DMD: variants seen among roughly 807,000 people sequenced by gnomAD.
DMD encodes the protein mutant dystrophin.
A neutral mutation model predicts 330.1 loss-of-function variants in DMD; 63 were observed. The ratio of observed to expected loss-of-function variants is 0.19; its 90% CI spans 0.16 to 0.24. The LOEUF (loss-of-function observed/expected upper bound fraction) is 0.24. DMD is among the 10% of genes least tolerant of loss of function. The probability of loss-of-function intolerance (pLI) is 1.00; values close to 1 mark genes in which losing one functional copy is unlikely to be tolerated. For synonymous variants in DMD, 1,223 were observed against 959.8 expected (o/e 1.27, Z -5.07); for missense variants, 3,344 against 2,684.1 (o/e 1.25, Z -5.43).
intron 44 of DMD, among the ~76,000 whole-genome samples, chrX:32,211,411 C>T (rs1053238551): frequency 1.8e-5 from 2 of 111,965 alleles, no homozygotes; most frequent in African/African-American, 6.5e-5. Flanking sequence ...ACAAAGTAAA[C>T]AGTTTTTTAT....
At chrX:31,445,934 A>G (rs180981960) in intron 59 of DMD, among the ~76,000 whole-genome samples, 18 of 112,178 alleles carry the variant, frequency 1.6e-4, no homozygotes, top group Admixed American at 1.2e-3. Context: ...TGTGTAATGT[A>G]ATGTCTGTGT....
chrX:33,020,747 AAT>A lies in DMD; in HGVS notation c.32-549_32-548del, dbSNP rs2093898579. Reference sequence around the variant, plus strand: ...TTCAAATACTGTATGATTATAAAAAAATAGTCTCCTCTGAATAACAGTATTTA... The same window carrying A: ...TTCAAATACTGTATGATTATAAAAAAAGTCTCCTCTGAATAACAGTATTTA... On this transcript the variant is annotated intron_variant, in intron 1 of 78. Coordinates refer to ENST00000357033, the MANE Select transcript of DMD (RefSeq NM_004006.3). 3.6e-5 allele frequency among the ~76,000 whole-genome samples: 4 copies of A among 111,884 alleles called. No homozygotes were observed. The South Asian group carries it at 1.5e-3, about 42-fold the overall frequency.
intron 54 of DMD, among the ~76,000 whole-genome samples, chrX:31,643,764 T>C (rs2079918097): frequency 8.9e-6 from 1 of 111,981 alleles, no homozygotes; most frequent in Admixed American, 9.5e-5. Flanking sequence ...TCTTTCAATA[T>C]ATGGTGGAAG....
chrX:32,639,663 G>A (rs758945601), intron 11 of DMD, among the ~76,000 whole-genome samples: 21 of 112,203 alleles, frequency 1.9e-4, no homozygotes, highest in African/African-American at 6.8e-4. Flanking sequence ...AGCAAGGAAA[G>A]AATCAAATGA....
At chrX:33,269,737 T>C (rs1416305729) in intron 1 of DMD, among the ~76,000 whole-genome samples, 1 of 110,755 alleles carries the variant, frequency 9.0e-6, no homozygotes, top group Non-Finnish European at 1.9e-5. Context: ...TTTATTTTAA[T>C]AGTGTTATAT....
intron 63 of DMD, among the ~76,000 whole-genome samples, chrX:31,248,803 G>A (rs778874988): frequency 9.0e-6 from 1 of 111,456 alleles, no homozygotes; most frequent in African/African-American, 3.3e-5. Flanking sequence ...TTCTACCTCC[G>A]GCAATAGGTC....
Position 32,834,151 on chromosome X carries a change from A to G in DMD, c.264+10632T>C, listed in dbSNP as rs777407390. Among the ~76,000 whole-genome samples, 284 of 111,693 alleles carry G rather than the reference A, an allele frequency of 2.5e-3. 1 individual carries two copies. The highest frequency in any genetic ancestry group is 7.5e-3 in the African/African-American group (233 of 30,924). ...CACGGAATCATTTGGCAAAGACCCT[A>G]TAGTTGATAAGTTACAGAGTTAACA... On this transcript the variant is annotated intron_variant, in intron 4 of 78. Transcript: ENST00000357033.
At chrX:31,852,091 G>A (rs909748664) in intron 48 of DMD, among the ~76,000 whole-genome samples, 1 of 111,065 alleles carries the variant, frequency 9.0e-6, no homozygotes, top group Non-Finnish European at 1.9e-5. Flanking sequence ...GGATGGAGGA[G>A]GATAGGTCCT....
chrX:32,530,907 G>A (rs917118601), intron 17 of DMD, among the ~76,000 whole-genome samples: 1 of 111,645 alleles, frequency 9.0e-6, no homozygotes. Flanking sequence ...TGAAAATCCT[G>A]AGTCATATAT....
intron 63 of DMD, among the ~76,000 whole-genome samples, chrX:31,238,740 C>A (rs2047970543): frequency 8.9e-6 from 1 of 111,931 alleles, no homozygotes; most frequent in Non-Finnish European, 1.9e-5. Flanking sequence ...TCTTTCCTTA[C>A]CCAGTGTAAT....
intron 48 of DMD, among the ~76,000 whole-genome samples, chrX:31,838,649 C>A (rs1331700575): frequency 1.8e-5 from 2 of 111,907 alleles, no homozygotes; most frequent in Non-Finnish European, 3.8e-5. Flanking sequence ...TTCATCATAG[C>A]TGTAGACTAT....
chrX:33,269,921 A>G (rs1479237000), intron 1 of DMD, among the ~76,000 whole-genome samples: 1 of 109,911 alleles, frequency 9.1e-6, no homozygotes, highest in Non-Finnish European at 1.9e-5. Context: ...ATATACGTAA[A>G]ATAAAAGGTC....
intron 41 of DMD, among the ~76,000 whole-genome samples, chrX:32,331,708 A>T (rs1050331627): frequency 2.1e-4 from 24 of 111,822 alleles, no homozygotes; most frequent in African/African-American, 7.4e-4. Context: ...TCTAACTATA[A>T]AATAATTGTG....
intron 2 of DMD, among the ~76,000 whole-genome samples, chrX:32,916,101 G>C (rs891867331): frequency 9.0e-6 from 1 of 111,094 alleles, no homozygotes; most frequent in African/African-American, 3.3e-5. Flanking sequence ...GCCTATTTTA[G>C]AGTACCATAT....
chrX:31,841,329 T>C (rs1438689773), intron 48 of DMD, among the ~76,000 whole-genome samples: 1 of 111,729 alleles, frequency 9.0e-6, no homozygotes, highest in East Asian at 2.8e-4. Context: ...AGAGGTTTGT[T>C]CATGAGGCTT....
chrX:32,425,328 C>T (rs1383490728), intron 29 of DMD, among the ~76,000 whole-genome samples: 2 of 110,827 alleles, frequency 1.8e-5, no homozygotes, highest in Non-Finnish European at 3.8e-5. Context: ...TACTACTCTC[C>T]ACCTCAGAAC....
chrX:31,876,088 T>A (rs1250436017), intron 47 of DMD, among the ~76,000 whole-genome samples: 1 of 112,253 alleles, frequency 8.9e-6, no homozygotes, highest in Admixed American at 9.4e-5. Context: ...TAGAGTAGAC[T>A]GTAACAGAAT....
intron 60 of DMD, among the ~76,000 whole-genome samples, chrX:31,349,506 T>G (rs1426976697): frequency 1.8e-5 from 2 of 112,304 alleles, no homozygotes; most frequent in Non-Finnish European, 3.8e-5. Context: ...TAAAACTAAT[T>G]TTCGGAATTC....
intron 62 of DMD, among the ~76,000 whole-genome samples, chrX:31,313,324 G>A (rs922519059): frequency 2.7e-5 from 3 of 110,499 alleles, no homozygotes; most frequent in African/African-American, 6.6e-5. Flanking sequence ...ACTTGATTGC[G>A]AAGATACGCC....
Sources: allele counts gnomAD v4.1 joint callset (sites outside exome capture counted in the v4.1 genomes callset), GRCh38; gene constraint gnomAD v4.1.1; transcripts MANE v1.5; gene names NCBI Gene and HGNC (gene_info 2026-07-23, HGNC 2026-07-21).